SIPA1L2: variants seen among roughly 807,000 people sequenced by gnomAD.
SIPA1L2 encodes the protein signal induced proliferation associated 1 like 2.
Under a neutral mutation model 163.9 loss-of-function variants are expected in SIPA1L2, and 56 were observed. The observed-to-expected ratio is 0.34, with a 90% confidence interval of 0.28 to 0.43. The LOEUF is 0.43. Ranked by LOEUF, SIPA1L2 falls within the 20% of genes least tolerant of loss-of-function variation. The pLI, the probability that SIPA1L2 is intolerant of heterozygous loss-of-function variation, is 1.00. For synonymous variants in SIPA1L2, 877 were observed against 865.7 expected, an observed-to-expected ratio of 1.01 and a Z score of -0.23; for missense variants, 1,974 against 2,193.5, an observed-to-expected ratio of 0.90 and a Z score of 2.00.
rs749698116 is a variant in SIPA1L2, at chr1:232,515,390, T to C, written c.-51A>G. 15 of 1,498,602 alleles carry C rather than the reference T, an allele frequency of 1.0e-5. No individual in the cohort carries two copies. Among genetic ancestry groups the C allele is most frequent in the Non-Finnish European group, 1.3e-5 (15 of 1,119,748 alleles). 92.8% of individuals were successfully genotyped at this position (1,498,602 alleles called of 1,614,324 possible). On this transcript the variant is annotated 5_prime_UTR_variant, in exon 3 of 23. Coordinates refer to ENST00000674635, the MANE Select transcript of SIPA1L2 (RefSeq NM_020808.5). ...CTCACCAGGAAGACTGATGTAAATCTAATTACATTGCTACCGACCACGCCA... is the reference window on the plus strand; with the variant it reads ...CTCACCAGGAAGACTGATGTAAATCCAATTACATTGCTACCGACCACGCCA...
Position 232,574,166 on chromosome 1 carries a change from A to T in SIPA1L2, c.-270+8T>A, listed in dbSNP as rs1417996880. On this transcript the variant is annotated splice_region_variant and intron_variant, in intron 2 of 22. Transcript: ENST00000674635. ...TCTGAAGTGAGGATGCCTTGCTTGCAGGCTTACCTGAGTGGGGAAGAGCAG... is the reference window on the plus strand; with the variant it reads ...TCTGAAGTGAGGATGCCTTGCTTGCTGGCTTACCTGAGTGGGGAAGAGCAG... Among the ~76,000 whole-genome samples the T allele has an allele frequency of 6.6e-6, 1 of 152,196 alleles. No individual in the cohort carries two copies. Among genetic ancestry groups the T allele is most frequent in the Admixed American group, 6.5e-5 (1 of 15,288 alleles).
chr1:232,428,304 G>A (rs1396446551), intron 17 of SIPA1L2, 107 bp downstream of exon 17: 3 of 980,290 alleles, frequency 3.1e-6, no homozygotes, highest in African/African-American at 3.4e-5. Flanking sequence ...GGTCATGAGA[G>A]ATGAAGCATG....
intron 1 of SIPA1L2, among the ~76,000 whole-genome samples, chr1:232,611,346 G>A (rs1416102929): frequency 5.9e-5 from 9 of 152,170 alleles, no homozygotes; most frequent in African/African-American, 1.2e-4. Context: ...ATGTGGGAGC[G>A]ACTTTGCTGA....
chr1:232,512,740 T>C (rs927933371), intron 3 of SIPA1L2, among the ~76,000 whole-genome samples: 4 of 152,084 alleles, frequency 2.6e-5, no homozygotes, highest in East Asian at 3.9e-4. Flanking sequence ...CAAACCACCA[T>C]AGCACAAGTA....
intron 2 of SIPA1L2, among the ~76,000 whole-genome samples, chr1:232,555,229 A>C (rs1288069937): frequency 6.6e-6 from 1 of 152,214 alleles, no homozygotes; most frequent in Non-Finnish European, 1.5e-5. Flanking sequence ...TAAACAGAGA[A>C]AAGTTTTCAG....
intron 3 of SIPA1L2, among the ~76,000 whole-genome samples, chr1:232,502,097 C>T (rs1466345831): frequency 2.6e-5 from 4 of 152,206 alleles, no homozygotes; most frequent in Non-Finnish European, 5.9e-5. Flanking sequence ...TTATAAAAAG[C>T]TTACTTACTG....
intron 19 of SIPA1L2, among the ~76,000 whole-genome samples, chr1:232,407,510 C>T (rs57354627): frequency 0.014 from 2,136 of 152,300 alleles, 67 homozygotes; most frequent in African/African-American, 0.048. Flanking sequence ...ATTAAAGATA[C>T]AGACTTTGAA....
intron 14 of SIPA1L2, among the ~76,000 whole-genome samples, chr1:232,440,109 T>C (rs532610081): frequency 1.4e-4 from 21 of 152,312 alleles, no homozygotes; most frequent in Non-Finnish European, 2.5e-4. Context: ...CCCAAGCCTT[T>C]AAGAAATGGG....
At chr1:232,419,831 T>C (rs1456492131) in intron 18 of SIPA1L2, among the ~76,000 whole-genome samples, 1 of 152,230 alleles carries the variant, frequency 6.6e-6, no homozygotes, top group African/African-American at 2.4e-5. Context: ...CAAAATTATA[T>C]GCAATACTTT....
intron 2 of SIPA1L2, among the ~76,000 whole-genome samples, chr1:232,542,760 G>A (rs928311809): frequency 2.8e-4 from 43 of 152,188 alleles, no homozygotes; most frequent in Non-Finnish European, 1.9e-4. Context: ...GCAGTTACGC[G>A]ATCTCATGTA....
chr1:232,478,510 T>C (rs986430773), intron 7 of SIPA1L2, among the ~76,000 whole-genome samples: 7 of 152,320 alleles, frequency 4.6e-5, no homozygotes, highest in East Asian at 1.9e-4. Flanking sequence ...ATTTATATAC[T>C]TTTATGAGTC....
In SIPA1L2 at chr1:232,490,740, G is replaced by A. The variant is rs568177951; in HGVS notation, c.1806+134C>T. 981 of 939,092 alleles carry A rather than the reference G, an allele frequency of 1.0e-3. 3 individuals carry two copies. Among genetic ancestry groups the A allele is most frequent in the South Asian group, 2.2e-3 (125 of 56,194 alleles). 58.2% of individuals were successfully genotyped at this position (939,092 alleles called of 1,614,324 possible). On this transcript the variant is annotated intron_variant, in intron 5 of 22. Transcript: ENST00000674635. ...CAAACTAGTATAAAAACATATTTGG[G>A]AAAAACTAAAGAGAAAATGTTCTAA...
intron 2 of SIPA1L2, among the ~76,000 whole-genome samples, chr1:232,532,428 G>A (rs1272957339): frequency 6.6e-6 from 1 of 152,174 alleles, no homozygotes. Context: ...GCAAGAACTT[G>A]ATAAATACTA....
intron 1 of SIPA1L2, among the ~76,000 whole-genome samples, chr1:232,588,781 G>A (rs1478463625): frequency 6.6e-6 from 1 of 152,138 alleles, no homozygotes; most frequent in Non-Finnish European, 1.5e-5. Flanking sequence ...CTTCTAATAA[G>A]CCAGATATTA....
In SIPA1L2 at chr1:232,473,487, T is replaced by TA. The variant is rs76227257; in HGVS notation, c.2086-1960dup. On this transcript the variant is annotated intron_variant, in intron 7 of 22. Coordinates refer to ENST00000674635, the MANE Select transcript of SIPA1L2 (RefSeq NM_020808.5). ...ACACAGGGTGCAGGGAGGGCCTTGT[T>TA]AGTCAGTGCTTCATGGCTGTTGAGA... Among the ~76,000 whole-genome samples the TA allele has an allele frequency of 0.036, 5,538 of 152,318 alleles. 948 individuals are homozygous for TA. In the East Asian group the frequency reaches 0.56, roughly 15 times the overall value.
At chr1:232,446,081 C>T (rs1663201391) in intron 10 of SIPA1L2, among the ~76,000 whole-genome samples, 1 of 152,190 alleles carries the variant, frequency 6.6e-6, no homozygotes, top group South Asian at 2.1e-4. Flanking sequence ...CTGGTACCTG[C>T]TAATACAGCC....
At chr1:232,613,660 T>C (rs1444757739) in intron 1 of SIPA1L2, among the ~76,000 whole-genome samples, 2 of 145,930 alleles carry the variant, frequency 1.4e-5, no homozygotes, top group African/African-American at 2.6e-5. Context: ...ATCCAGTTTT[T>C]AGAAGCTTCC....
intron 1 of SIPA1L2, among the ~76,000 whole-genome samples, chr1:232,586,514 C>T (rs1168853995): frequency 1.3e-5 from 2 of 152,054 alleles, no homozygotes; most frequent in South Asian, 2.1e-4. Flanking sequence ...GAGCTCGTCA[C>T]GTAATCACAC....
At chr1:232,546,380 G>T (rs772397452) in intron 2 of SIPA1L2, among the ~76,000 whole-genome samples, 3 of 152,096 alleles carry the variant, frequency 2.0e-5, no homozygotes, top group East Asian at 1.9e-4. Flanking sequence ...TCACAGAAGG[G>T]ATTTATGGCC....
Sources: gnomAD v4.1 joint callset for allele counts (sites outside exome capture counted in the v4.1 genomes callset) on GRCh38, gnomAD v4.1.1 for gene constraint, MANE v1.5 for transcripts, NCBI Gene and HGNC (gene_info 2026-07-23, HGNC 2026-07-21) for gene names.